Variants in KCNIP4 observed in about 807,000 individuals in gnomAD.
The protein encoded by KCNIP4 is Kv channel-interacting protein 4.
In KCNIP4, 12 loss-of-function variants were observed where a neutral mutation model predicts 34.0. The observed-to-expected ratio is 0.35, with a 90% confidence interval of 0.23 to 0.57. The LOEUF (loss-of-function observed/expected upper bound fraction) is 0.57. Ranked by LOEUF, KCNIP4 falls within the 20% of genes least tolerant of loss-of-function variation. KCNIP4 has a pLI of 0.83. For missense variants in KCNIP4, 238 were observed against 311.7 expected, an observed-to-expected ratio of 0.76 and a Z score of 1.78; for synonymous variants, 124 against 102.2, an observed-to-expected ratio of 1.21 and a Z score of -1.29.
intron 1 of KCNIP4, among the ~76,000 whole-genome samples, chr4:21,380,458 G>GAGGGT (rs1560347883): frequency 1.1e-5 from 1 of 88,580 alleles, no homozygotes; most frequent in East Asian, 3.4e-4. Flanking sequence ...AGGGAGAGGG[G>GAGGGT]GAGAGAGAGA....
At chr4:21,840,310 T>C (rs945392894) in intron 1 of KCNIP4, among the ~76,000 whole-genome samples, 1 of 151,974 alleles carries the variant, frequency 6.6e-6, no homozygotes, top group African/African-American at 2.4e-5. Context: ...GTGAGTCTCC[T>C]CTGTAGTCTG....
intron 1 of KCNIP4, among the ~76,000 whole-genome samples, chr4:20,888,287 C>T (rs1725539230): frequency 6.6e-6 from 1 of 152,008 alleles, no homozygotes. Context: ...TACTGAATTC[C>T]CAGTATGTTG....
At chr4:21,839,136 T>C (rs1233481007) in intron 1 of KCNIP4, among the ~76,000 whole-genome samples, 1 of 152,208 alleles carries the variant, frequency 6.6e-6, no homozygotes, top group African/African-American at 2.4e-5. Flanking sequence ...ACACTGAATT[T>C]TATTATATTT....
intron 3 of KCNIP4, among the ~76,000 whole-genome samples, chr4:20,790,077 C>A (rs1188650489): frequency 6.6e-6 from 1 of 152,100 alleles, no homozygotes; most frequent in African/African-American, 2.4e-5. Context: ...TAGTACACAT[C>A]TAGGCTATAT....
At chr4:20,742,278 A>G (rs1181448305) in intron 5 of KCNIP4, among the ~76,000 whole-genome samples, 4 of 152,210 alleles carry the variant, frequency 2.6e-5, no homozygotes, top group African/African-American at 4.8e-5. Flanking sequence ...AAAGAATTTT[A>G]GACCAATATC....
intron 1 of KCNIP4, among the ~76,000 whole-genome samples, chr4:21,640,227 T>C (rs1226816584): frequency 6.6e-6 from 1 of 152,198 alleles, no homozygotes; most frequent in African/African-American, 2.4e-5. Context: ...ACCCATCTTA[T>C]CTTGGGCGAC....
chr4:21,252,902 C>T (rs1394054318), intron 1 of KCNIP4, among the ~76,000 whole-genome samples: 2 of 152,076 alleles, frequency 1.3e-5, no homozygotes, highest in Non-Finnish European at 2.9e-5. Flanking sequence ...GCACATCACA[C>T]TTAACCTCTC....
chr4:21,098,925 T>C (rs12642886), intron 1 of KCNIP4, among the ~76,000 whole-genome samples: 24,255 of 152,118 alleles, frequency 0.16, 2,044 homozygotes, highest in East Asian at 0.23. Flanking sequence ...GAGATACCAT[T>C]TAACATCAGT....
intron 1 of KCNIP4, among the ~76,000 whole-genome samples, chr4:21,514,616 C>T (rs1445202357): frequency 1.3e-5 from 2 of 151,936 alleles, no homozygotes; most frequent in African/African-American, 4.8e-5. Context: ...ACCCAATCAA[C>T]ACAGGGTCGT....
At chr4:20,818,766 A>C (rs901376154) in intron 3 of KCNIP4, among the ~76,000 whole-genome samples, 10 of 152,276 alleles carry the variant, frequency 6.6e-5, no homozygotes, top group Admixed American at 6.5e-4. Context: ...CCTTATTCAA[A>C]ATAAGATTCA....
intron 3 of KCNIP4, among the ~76,000 whole-genome samples, chr4:20,827,417 C>CG (rs1717894710): frequency 6.6e-6 from 1 of 152,174 alleles, no homozygotes; most frequent in Non-Finnish European, 1.5e-5. Flanking sequence ...GAATGCACAT[C>CG]CCTGGTGTCT....
chr4:21,462,441 C>T (rs192636274), intron 1 of KCNIP4, among the ~76,000 whole-genome samples: 3 of 152,146 alleles, frequency 2.0e-5, no homozygotes, highest in East Asian at 3.9e-4. Flanking sequence ...CTCACTATCA[C>T]CAGAGAAGAA....
In KCNIP4 at chr4:21,788,651, G is replaced by C. The variant is rs115298696; in HGVS notation, c.61+159920C>G. On this transcript the variant is annotated intron_variant, in intron 1 of 8. Transcript: ENST00000382152. ...GTGGAGAAAAATCCCTACAAATACT[G>C]ATGTTTTAGTTCTTTAATGCAGAAT... Among the ~76,000 whole-genome samples, 199 of 152,244 alleles carry C rather than the reference G, an allele frequency of 1.3e-3. 2 individuals are homozygous for C. Among genetic ancestry groups the C allele is most frequent in the Middle Eastern group, 6.8e-3 (2 of 294 alleles).
At chr4:21,786,424 G>A (rs1480523641) in intron 1 of KCNIP4, among the ~76,000 whole-genome samples, 1 of 152,200 alleles carries the variant, frequency 6.6e-6, no homozygotes, top group Non-Finnish European at 1.5e-5. Context: ...GTTATAATCT[G>A]ATCAGTCATT....
chr4:21,352,913 T>C (rs992254008), intron 1 of KCNIP4, among the ~76,000 whole-genome samples: 1 of 152,124 alleles, frequency 6.6e-6, no homozygotes, highest in Non-Finnish European at 1.5e-5. Context: ...CCCTCTGGGA[T>C]GAAGCTTCCA....
intron 1 of KCNIP4, among the ~76,000 whole-genome samples, chr4:21,215,452 T>C (rs1045785442): frequency 5.3e-5 from 8 of 152,220 alleles, no homozygotes; most frequent in Non-Finnish European, 1.2e-4. Flanking sequence ...CTTTCTTCTT[T>C]ATCCTTTGAA....
At chr4:21,616,546 CT>C (rs1744623339) in intron 1 of KCNIP4, among the ~76,000 whole-genome samples, 1 of 152,146 alleles carries the variant, frequency 6.6e-6, no homozygotes, top group Admixed American at 6.5e-5. Context: ...TTTACTTTCT[CT>C]TCATGTTAGA....
chr4:20,885,978 A>G (rs1725261616), intron 1 of KCNIP4, among the ~76,000 whole-genome samples: 1 of 152,184 alleles, frequency 6.6e-6, no homozygotes, highest in African/African-American at 2.4e-5. Flanking sequence ...CTAGATTATG[A>G]ACAGTTATTA....
Position 21,783,820 on chromosome 4 carries a change from A to G in KCNIP4, c.61+164751T>C, listed in dbSNP as rs1719728759. ...CTTCCATTATTATTTCTATTAATTT[A>G]CAACCTCAACAGATCACATCAGTTT... On this transcript the variant is annotated intron_variant, in intron 1 of 8. Coordinates refer to ENST00000382152, the MANE Select transcript of KCNIP4 (RefSeq NM_025221.6). 2.0e-5 allele frequency among the ~76,000 whole-genome samples: 3 copies of G among 152,334 alleles called. 1 individual carries two copies. In the South Asian group the frequency reaches 6.2e-4, roughly 32 times the overall value.
Sources: gnomAD v4.1 joint callset for allele counts (sites outside exome capture counted in the v4.1 genomes callset) on GRCh38, gnomAD v4.1.1 for gene constraint, MANE v1.5 for transcripts, NCBI Gene and HGNC (gene_info 2026-07-23, HGNC 2026-07-21) for gene names.